The following KCNB2 variants were observed in gnomAD, a reference collection of about 807,000 sequenced individuals.
KCNB2 encodes the protein potassium voltage-gated channel subfamily B member 2.
In KCNB2, 15 loss-of-function variants were observed where a neutral mutation model predicts 61.5. The observed-to-expected ratio is 0.24, with a 90% CI of 0.16 to 0.38. The LOEUF (loss-of-function observed/expected upper bound fraction) is 0.38, where lower values mean the gene tolerates loss of function less well. Among genes scored for constraint, KCNB2 ranks in the 10% least tolerant of loss-of-function variants. The probability of loss-of-function intolerance (pLI) is 1.00; values close to 1 mark genes in which losing one functional copy is unlikely to be tolerated. For synonymous variants in KCNB2, 457 were observed against 446.0 expected (o/e 1.02, Z -0.31); for missense variants, 828 against 1,125.2 (o/e 0.74, Z 3.78).
chr8:72,597,767 A>C (rs904482726), intron 2 of KCNB2, among the ~76,000 whole-genome samples: 1 of 152,160 alleles, frequency 6.6e-6, no homozygotes, highest in African/African-American at 2.4e-5. Context: ...GGGTTCTAGA[A>C]TTCATCCCTA....
chr8:72,904,840 T>C (rs776755081), intron 2 of KCNB2, among the ~76,000 whole-genome samples: 1 of 152,024 alleles, frequency 6.6e-6, no homozygotes, highest in Non-Finnish European at 1.5e-5. Flanking sequence ...CTTACTTGCC[T>C]CCTTCCCTCC....
intron 1 of KCNB2, among the ~76,000 whole-genome samples, chr8:72,553,783 A>C (rs1806380731): frequency 6.6e-6 from 1 of 152,190 alleles, no homozygotes; most frequent in Non-Finnish European, 1.5e-5. Context: ...AAAGTAGAAT[A>C]TTATGGTAAT....
intron 2 of KCNB2, among the ~76,000 whole-genome samples, chr8:72,712,163 A>C (rs1329647001): frequency 6.6e-6 from 1 of 152,234 alleles, no homozygotes; most frequent in Non-Finnish European, 1.5e-5. Context: ...TTTATCTTGT[A>C]GACTCATATG....
chr8:72,799,026 G>A (rs1271427283), intron 2 of KCNB2, among the ~76,000 whole-genome samples: 4 of 152,112 alleles, frequency 2.6e-5, no homozygotes, highest in African/African-American at 2.4e-5. Flanking sequence ...GTATCTCAAC[G>A]GGAGTCTCAG....
chr8:72,631,267 A>G (rs1171226716), intron 2 of KCNB2, among the ~76,000 whole-genome samples: 1 of 152,160 alleles, frequency 6.6e-6, no homozygotes, highest in Non-Finnish European at 1.5e-5. Flanking sequence ...GCAACAGAAA[A>G]TGTATTGCCT....
At chr8:72,933,483 T>C (rs1022637267) in intron 2 of KCNB2, among the ~76,000 whole-genome samples, 5 of 152,218 alleles carry the variant, frequency 3.3e-5, no homozygotes, top group Admixed American at 1.3e-4. Context: ...ACAGATTAGA[T>C]ATAGAAAATC....
intron 2 of KCNB2, among the ~76,000 whole-genome samples, chr8:72,755,667 G>A (rs775969118): frequency 1.3e-4 from 20 of 152,220 alleles, no homozygotes; most frequent in South Asian, 4.2e-4. Context: ...CACAATACCC[G>A]ACAGTACACA....
intron 2 of KCNB2, among the ~76,000 whole-genome samples, chr8:72,883,555 C>G (rs936875265): frequency 2.6e-5 from 4 of 152,196 alleles, no homozygotes; most frequent in Non-Finnish European, 4.4e-5. Flanking sequence ...CACTTCCCAG[C>G]TTTATTGGAA....
intron 2 of KCNB2, among the ~76,000 whole-genome samples, chr8:72,763,044 TAA>T (rs36134958): frequency 2.2e-5 from 3 of 137,514 alleles, no homozygotes; most frequent in Non-Finnish European, 3.2e-5. Flanking sequence ...CTTTGCAAAG[TAA>T]AAAAAAAAAA....
intron 2 of KCNB2, among the ~76,000 whole-genome samples, chr8:72,934,394 C>CAAAAAAAAAA (rs11392513): frequency 7.2e-5 from 6 of 83,848 alleles, no homozygotes; most frequent in African/African-American, 3.0e-4. Flanking sequence ...TCACCCCCCG[C>CAAAAAAAAAA]AAAAAAAAAA....
chr8:72,929,084 G>T (rs1163726996), intron 2 of KCNB2, among the ~76,000 whole-genome samples: 1 of 152,064 alleles, frequency 6.6e-6, no homozygotes, highest in Non-Finnish European at 1.5e-5. Context: ...ACCCTCTGAG[G>T]CAGCCGAGGC....
chr8:72,937,844 G>A lies in KCNB2; in HGVS notation c.2489G>A (p.Ser830Asn). The change falls in exon 3 of 3, where the codon AGC (serine) becomes AAC (asparagine). Residue 830 changes from serine to asparagine, a missense_variant. Physicochemically the swap from Ser to Asn is conservative, Grantham distance 46 (BLOSUM62 1). This residue lies in a region of KCNB2 where 559 missense variants were observed against 588.4 expected (regional missense o/e 0.95). Coordinates refer to ENST00000523207, the MANE Select transcript of KCNB2 (RefSeq NM_004770.3). ...AGGGAGGAGAAGCAGGTGGACTCCA[G>A]CCCAAATTGCTTTGCAGATAAGCCT... The part of the protein sequence containing the change: ...GAREEKQVDS[S>N]PNCFADKPSD... 1 of 1,614,054 alleles carries A rather than the reference G, an allele frequency of 6.2e-7. No homozygotes were observed. Among genetic ancestry groups the A allele is most frequent in the Non-Finnish European group, 8.5e-7 (1 of 1,180,012 alleles).
chr8:72,888,246 C>T (rs1805838401), intron 2 of KCNB2, among the ~76,000 whole-genome samples: 2 of 152,030 alleles, frequency 1.3e-5, no homozygotes, highest in African/African-American at 4.8e-5. Context: ...GGACTACAAG[C>T]ACACACCACC....
intron 2 of KCNB2, among the ~76,000 whole-genome samples, chr8:72,899,798 G>A (rs7826137): frequency 0.035 from 5,296 of 152,206 alleles, 315 homozygotes; most frequent in African/African-American, 0.12. Flanking sequence ...GCAGTTTATA[G>A]ATTCAATGAT....
At chr8:72,792,897 T>G (rs927310506) in intron 2 of KCNB2, among the ~76,000 whole-genome samples, 1 of 152,220 alleles carries the variant, frequency 6.6e-6, no homozygotes, top group African/African-American at 2.4e-5. Context: ...GTCCCGGAAT[T>G]CTTTTTATCC....
At chr8:72,696,784 T>G (rs550939749) in intron 2 of KCNB2, among the ~76,000 whole-genome samples, 40 of 152,308 alleles carry the variant, frequency 2.6e-4, no homozygotes, top group Non-Finnish European at 5.3e-4. Flanking sequence ...AGTTTCTCAT[T>G]TAGATAAAAT....
intron 2 of KCNB2, among the ~76,000 whole-genome samples, chr8:72,585,185 T>C (rs1806984812): frequency 1.3e-5 from 2 of 152,338 alleles, no homozygotes; most frequent in South Asian, 4.1e-4. Flanking sequence ...TTGTTATTGT[T>C]AGTTTCTGTC....
intron 2 of KCNB2, among the ~76,000 whole-genome samples, chr8:72,769,522 C>T (rs1808526094): frequency 6.6e-6 from 1 of 152,118 alleles, no homozygotes; most frequent in Non-Finnish European, 1.5e-5. Flanking sequence ...GCAATTTGAG[C>T]TCAGCTTGGA....
intron 2 of KCNB2, among the ~76,000 whole-genome samples, chr8:72,673,074 C>T (rs1317061122): frequency 3.3e-5 from 5 of 152,152 alleles, no homozygotes; most frequent in African/African-American, 1.2e-4. Flanking sequence ...AAAGCAGGGA[C>T]TCAAACAAAT....
Sources: gnomAD v4.1 joint callset for allele counts (sites outside exome capture counted in the v4.1 genomes callset) on GRCh38, gnomAD v4.1.1 for gene constraint, gnomAD v4.1.1 regional missense constraint, MANE v1.5 for transcripts, NCBI Gene and HGNC (gene_info 2026-07-23, HGNC 2026-07-21) for gene names.